CCNY: variants seen among roughly 807,000 people sequenced by gnomAD.
CCNY encodes cyclin Y.
CCNY carries 19 observed loss-of-function variants against 42.8 expected under a neutral mutation model. The ratio of observed to expected loss-of-function variants is 0.44; its 90% CI spans 0.31 to 0.65. The LOEUF (loss-of-function observed/expected upper bound fraction) is 0.65. CCNY is among the 30% of genes least tolerant of loss of function. The pLI, the probability that CCNY is intolerant of heterozygous loss-of-function variation, is 0.07. For synonymous variants in CCNY, 165 were observed against 162.7 expected, an observed-to-expected ratio of 1.01 and a Z score of -0.11; for missense variants, 370 against 437.3, an observed-to-expected ratio of 0.85 and a Z score of 1.37.
intron 3 of CCNY, among the ~76,000 whole-genome samples, chr10:35,290,263 C>CACAT (rs1167708883): frequency 6.7e-6 from 1 of 148,556 alleles, no homozygotes; most frequent in Non-Finnish European, 1.5e-5. Flanking sequence ...CACACACACA[C>CACAT]AAAATTAGCT....
chr10:35,425,034 T>C (rs1209643470), intron 1 of CCNY, among the ~76,000 whole-genome samples: 2 of 152,188 alleles, frequency 1.3e-5, no homozygotes, highest in Non-Finnish European at 2.9e-5. Flanking sequence ...TGCTGTGTGC[T>C]GTGTTCCCAG....
chr10:35,551,170 C>T (rs748095571), intron 7 of CCNY, among the ~76,000 whole-genome samples: 5 of 152,108 alleles, frequency 3.3e-5, no homozygotes, highest in Non-Finnish European at 7.4e-5. Flanking sequence ...CTTGTGCATT[C>T]GCATCCCGTA....
chr10:35,374,091 T>C (rs1836998992), intron 1 of CCNY, among the ~76,000 whole-genome samples: 1 of 152,236 alleles, frequency 6.6e-6, no homozygotes, highest in African/African-American at 2.4e-5. Flanking sequence ...GTTTTCCCAA[T>C]TAAAGCCCCT....
intron 7 of CCNY, among the ~76,000 whole-genome samples, chr10:35,536,940 CAAGACA>C (rs1441499157): frequency 6.6e-6 from 1 of 152,162 alleles, no homozygotes; most frequent in African/African-American, 2.4e-5. Context: ...TGTTAATCCC[CAAGACA>C]ATGGGGAAAA....
At chr10:35,400,720 G>A (rs1326550369) in intron 1 of CCNY, among the ~76,000 whole-genome samples, 1 of 152,150 alleles carries the variant, frequency 6.6e-6, no homozygotes, top group Admixed American at 6.5e-5. Flanking sequence ...GTACATGAAA[G>A]CAAGGGCGTG....
At chr10:35,466,612 G>A (rs1839275380) in intron 1 of CCNY, among the ~76,000 whole-genome samples, 1 of 152,176 alleles carries the variant, frequency 6.6e-6, no homozygotes, top group Admixed American at 6.5e-5. Flanking sequence ...TGCTCCCGCT[G>A]TCCCTCACCC....
chr10:35,456,281 G>A (rs906278409), intron 1 of CCNY, among the ~76,000 whole-genome samples: 1 of 152,234 alleles, frequency 6.6e-6, no homozygotes, highest in Non-Finnish European at 1.5e-5. Flanking sequence ...AGAGCTGGAT[G>A]TGGCAGCCAT....
At chr10:35,486,241 A>G (rs1839785340) in intron 2 of CCNY, among the ~76,000 whole-genome samples, 1 of 152,228 alleles carries the variant, frequency 6.6e-6, no homozygotes, top group African/African-American at 2.4e-5. Flanking sequence ...TCCCAGCTCC[A>G]GGTTCAGTGA....
At chr10:35,515,202 T>A (rs916393420) in intron 3 of CCNY, among the ~76,000 whole-genome samples, 1 of 152,184 alleles carries the variant, frequency 6.6e-6, no homozygotes, top group African/African-American at 2.4e-5. Flanking sequence ...GGCCTCAGCT[T>A]CTGAATTTTC....
intron 2 of CCNY, among the ~76,000 whole-genome samples, chr10:35,488,604 T>A (rs1839835489): frequency 6.6e-6 from 1 of 152,238 alleles, no homozygotes; most frequent in South Asian, 2.1e-4. Context: ...GTGATTTTCA[T>A]GCTTTGTTCC....
At chr10:35,529,051 GT>G (rs777509685) in intron 5 of CCNY, among the ~76,000 whole-genome samples, 7 of 152,162 alleles carry the variant, frequency 4.6e-5, no homozygotes, top group Non-Finnish European at 1.0e-4. Context: ...GGTACGGAGG[GT>G]CCCCGCAGAG....
At position 35,530,098 on chromosome 10, in the gene CCNY, T is replaced by A. The variant is rs1840734330; in HGVS notation, c.460-26T>A. 2 of 1,614,148 alleles carry A rather than the reference T, an allele frequency of 1.2e-6. No homozygotes were observed. The highest frequency in any genetic ancestry group is 4.5e-5 in the East Asian group (2 of 44,876). On this transcript the variant is annotated intron_variant, in intron 6 of 9. Transcript: ENST00000374704. This position sits in a 1 kb window ranked among gnomAD's most constrained non-coding sequence, Gnocchi z 4.3. The stretch of plus-strand genomic sequence containing the variant: ...TCTTTTGCTCCAATCGGGAGATCAG[T>A]CATCTGAAAATATTTTCTTCCCCAG...
intron 2 of CCNY, among the ~76,000 whole-genome samples, chr10:35,484,881 A>G (rs144816889): frequency 6.6e-6 from 1 of 152,326 alleles, no homozygotes; most frequent in African/African-American, 2.4e-5. Flanking sequence ...TAGGCCTCTA[A>G]GTGGATTTCC....
At chr10:35,366,257 G>A (rs1200818471) in intron 1 of CCNY, among the ~76,000 whole-genome samples, 1 of 152,154 alleles carries the variant, frequency 6.6e-6, no homozygotes, top group Non-Finnish European at 1.5e-5. Flanking sequence ...TGCCTTTTGA[G>A]AATAAATTAG....
chr10:35,365,821 T>C (rs1234897912), intron 1 of CCNY, among the ~76,000 whole-genome samples: 1 of 152,240 alleles, frequency 6.6e-6, no homozygotes, highest in East Asian at 1.9e-4. Flanking sequence ...TTCACAGTTC[T>C]TCTGTTATCT....
At chr10:35,358,945 T>C (rs1836620927) in intron 1 of CCNY, among the ~76,000 whole-genome samples, 1 of 152,238 alleles carries the variant, frequency 6.6e-6, no homozygotes, top group South Asian at 2.1e-4. Flanking sequence ...TCCCGTCGGC[T>C]GCCAGGGAAG....
chr10:35,384,087 T>G (rs1389022223), intron 1 of CCNY, among the ~76,000 whole-genome samples: 2 of 152,114 alleles, frequency 1.3e-5, no homozygotes, highest in Non-Finnish European at 2.9e-5. Context: ...AAATTCTGAT[T>G]AAAGGAGGGT....
intron 3 of CCNY, among the ~76,000 whole-genome samples, chr10:35,290,400 A>G (rs1835400509): frequency 6.6e-6 from 1 of 151,740 alleles, no homozygotes; most frequent in Non-Finnish European, 1.5e-5. Context: ...TGGGCAACAG[A>G]GTGAGACTCT....
At chr10:35,413,898 A>G (rs1837967120) in intron 1 of CCNY, among the ~76,000 whole-genome samples, 1 of 152,192 alleles carries the variant, frequency 6.6e-6, no homozygotes, top group South Asian at 2.1e-4. Context: ...TCTGACATGC[A>G]TCGGGCACGT....
Sources: gnomAD v4.1 joint callset for allele counts (sites outside exome capture counted in the v4.1 genomes callset) on GRCh38, gnomAD v4.1.1 for gene constraint, Gnocchi (gnomAD v3.1) non-coding constraint, MANE v1.5 for transcripts, NCBI Gene and HGNC (gene_info 2026-07-23, HGNC 2026-07-21) for gene names.